The following IMPACT variants were observed in gnomAD, a reference collection of about 807,000 sequenced individuals.
IMPACT encodes protein IMPACT.
Under a neutral mutation model 47.5 loss-of-function variants are expected in IMPACT, and 35 were observed. The ratio of observed to expected loss-of-function variants is 0.74; its 90% CI spans 0.56 to 0.98. The LOEUF is 0.98. IMPACT is among the 50% of genes least tolerant of loss of function. IMPACT has a pLI of 0.00. For missense variants in IMPACT, 373 were observed against 394.8 expected (o/e 0.94, Z 0.47); for synonymous variants, 118 against 125.6 (o/e 0.94, Z 0.40).
intron 1 of IMPACT, 84 bp downstream of exon 1, chr18:24,426,876 C>G (rs1486457762): frequency 2.1e-6 from 2 of 943,824 alleles, no homozygotes; most frequent in Non-Finnish European, 2.8e-6. Context: ...GAGGGGCCCT[C>G]CGCCTGGGGC....
chr18:24,437,926 AT>A (rs200319123), intron 4 of IMPACT, 28 bp from the exon 5 acceptor site: 27,477 of 1,046,862 alleles, frequency 0.026, 406 homozygotes, highest in Non-Finnish European at 0.031. Context: ...TGAAATAACA[AT>A]TTTTTTTTTC....
At chr18:24,450,726 A>G (rs868468063) in intron 10 of IMPACT, 53 bp from the exon 11 acceptor site, 7 of 1,150,612 alleles carry the variant, frequency 6.1e-6, no homozygotes, top group African/African-American at 1.5e-5. Flanking sequence ...TAGATTGAAG[A>G]TTTCATCTTT....
chr18:24,432,033 G>T (rs974255811), intron 4 of IMPACT, among the ~76,000 whole-genome samples: 1 of 152,002 alleles, frequency 6.6e-6, no homozygotes, highest in Non-Finnish European at 1.5e-5. Context: ...TTATTTTTTT[G>T]TACTGATGGA....
chr18:24,442,117 T>C (rs577527824), intron 6 of IMPACT, among the ~76,000 whole-genome samples: 1 of 151,754 alleles, frequency 6.6e-6, no homozygotes, highest in African/African-American at 2.4e-5. Context: ...GACGATTAAG[T>C]CTCTCAACAG....
chr18:24,436,220 A>G (rs1050094541), intron 4 of IMPACT, among the ~76,000 whole-genome samples: 1 of 152,118 alleles, frequency 6.6e-6, no homozygotes, highest in African/African-American at 2.4e-5. Flanking sequence ...ACTAGCAGCT[A>G]TCATTTTTTT....
At chr18:24,448,218 A>G (rs1555667763) in intron 9 of IMPACT, 35 bp downstream of exon 9, 1 of 1,420,650 alleles carries the variant, frequency 7.0e-7, no homozygotes, top group Non-Finnish European at 9.9e-7. Context: ...CCTGTTCTGT[A>G]CAAGCCATAA....
Position 24,448,149 on chromosome 18 carries a change from C to T in IMPACT, c.725C>T (p.Thr242Ile), listed in dbSNP as rs1478195528. The T allele has an allele frequency of 1.9e-6, 3 of 1,613,480 alleles. No individual in the cohort carries two copies. The highest frequency in any genetic ancestry group is 1.7e-6 in the Non-Finnish European group (2 of 1,179,522). ...FLQDCEDDGE[T>I]AAGGRLLHLM... The stretch of plus-strand genomic sequence containing the variant: ...CAGGATTGTGAGGATGATGGGGAAA[C>T]AGCAGCTGGTGGGCGTCTTCTTCAT... Residue 242 changes from threonine (T) to isoleucine (I), a missense_variant, in exon 9 of 11, where the codon ACA becomes ATA. By Grantham distance (89) the Thr-to-Ile change is moderately conservative. Transcript: ENST00000284202.
chr18:24,440,294 A>C (rs1410940778), intron 5 of IMPACT, among the ~76,000 whole-genome samples: 1 of 152,066 alleles, frequency 6.6e-6, no homozygotes, highest in Non-Finnish European at 1.5e-5. Flanking sequence ...AGCATTTCCC[A>C]GTTTGTGGAT....
rs781465363 is a variant in IMPACT, at chr18:24,428,892, A to G, written c.189A>G (p.Pro63=). Residue 63 remains proline, a synonymous_variant, in exon 3 of 11, where the codon CCA becomes CCG. Transcript: ENST00000284202. ...AGGTGATGCTGCCGAATGAATACCC[A>G]GGTACAGCTCCACCTATCTACCAGT... ...CLQVMLPNEY[P]GTAPPIYQLN... 1.2e-6 allele frequency: 2 copies of G among 1,612,046 alleles called. No individual in the cohort carries two copies. The highest frequency in any genetic ancestry group is 1.7e-4 in the Middle Eastern group (1 of 6,048).
intron 4 of IMPACT, among the ~76,000 whole-genome samples, chr18:24,432,831 T>A (rs1011982703): frequency 1.3e-5 from 2 of 152,122 alleles, no homozygotes; most frequent in African/African-American, 2.4e-5. Context: ...TCCTCCTCCT[T>A]GAAAATCTTT....
At position 24,452,724 on chromosome 18, in the gene IMPACT, A is replaced by G. The variant is rs567773967; in HGVS notation, c.*1877A>G. 1 of 152,282 alleles carries G rather than the reference A, an allele frequency of 6.6e-6. No individual in the cohort carries two copies. The highest frequency in any genetic ancestry group is 2.1e-4 in the South Asian group (1 of 4,832). The allele number at this position is 152,282 out of a possible 1,614,324, so 9.4% of individuals were successfully genotyped here. On this transcript the variant is annotated 3_prime_UTR_variant, in exon 11 of 11. Coordinates refer to ENST00000284202, the MANE Select transcript of IMPACT (RefSeq NM_018439.4). ...TCTATTTAAAATTTTTGTCTTGATT[A>G]GGAGATTTTTCAGTTCTCCATATAA...
chr18:24,438,431 T>C (rs1228965567), intron 5 of IMPACT, among the ~76,000 whole-genome samples: 2 of 152,268 alleles, frequency 1.3e-5, no homozygotes, highest in African/African-American at 4.8e-5. Context: ...TCTAGGATTC[T>C]ACATTGCTTT....
chr18:24,442,901 AT>A (rs1236153559), intron 6 of IMPACT, 147 bp from the exon 7 acceptor site: 3 of 449,764 alleles, frequency 6.7e-6, no homozygotes, highest in Non-Finnish European at 3.9e-6. Context: ...TATAATTTAA[AT>A]TTAATTTTGG....
At chr18:24,443,024 A>C (rs1279663285) in intron 6 of IMPACT, 25 bp from the exon 7 acceptor site, 1 of 1,312,358 alleles carries the variant, frequency 7.6e-7, no homozygotes, top group Non-Finnish European at 1.1e-6. Context: ...CTTTTTAAAA[A>C]ATAAAGTTTC....
chr18:24,429,045 CTTTTGGG>C, intron 3 of IMPACT, 124 bp downstream of exon 3: 1 of 598,202 alleles, frequency 1.7e-6, no homozygotes, highest in Non-Finnish European at 2.8e-6. Context: ...TTAAAAATAC[CTTTTGGG>C]TTTGGTATAG....
intron 4 of IMPACT, among the ~76,000 whole-genome samples, chr18:24,432,687 C>T (rs187563978): frequency 5.3e-5 from 8 of 152,018 alleles, no homozygotes; most frequent in Admixed American, 5.2e-4. Flanking sequence ...TCATATTTGC[C>T]AATTTATCTG....
Position 24,450,993 on chromosome 18 carries a change from G to T in IMPACT, c.*146G>T. 1.9e-6 allele frequency: 1 copy of T among 512,834 alleles called. No homozygotes were observed. The highest frequency in any genetic ancestry group is 3.6e-5 in the South Asian group (1 of 27,914). 31.8% of individuals were successfully genotyped at this position (512,834 alleles called of 1,614,324 possible). The stretch of plus-strand genomic sequence containing the variant: ...ATACCAACATTAGCTTTTCTTCTTG[G>T]TTATATCATCTGCCAAAAATAGAGA... On this transcript the variant is annotated 3_prime_UTR_variant, in exon 11 of 11. Coordinates refer to ENST00000284202, the MANE Select transcript of IMPACT (RefSeq NM_018439.4).
Position 24,445,444 on chromosome 18 carries a change from A to T in IMPACT, c.646A>T (p.Thr216Ser). 6.2e-7 allele frequency: 1 copy of T among 1,605,836 alleles called. No individual in the cohort carries two copies. Among genetic ancestry groups the T allele is most frequent in the Non-Finnish European group, 8.5e-7 (1 of 1,175,824 alleles). ...TGAGAATAAGAAAATAGCTAGTGCCACCCACAACATCTATGCCTACAGGTG... is the reference window on the plus strand; with the variant it reads ...TGAGAATAAGAAAATAGCTAGTGCCTCCCACAACATCTATGCCTACAGGTG... ...LYENKKIASA[T>S]HNIYAYRIYC... Residue 216 changes from threonine to serine, a missense_variant, in exon 8 of 11, where the codon ACC becomes TCC. Transcript: ENST00000284202.
At chr18:24,439,134 A>G (rs1457215476) in intron 5 of IMPACT, among the ~76,000 whole-genome samples, 2 of 152,208 alleles carry the variant, frequency 1.3e-5, no homozygotes, top group Non-Finnish European at 2.9e-5. Context: ...GATGAGGCCC[A>G]TATGGAAGAC....
Sources: allele counts gnomAD v4.1 joint callset (sites outside exome capture counted in the v4.1 genomes callset), GRCh38; gene constraint gnomAD v4.1.1; transcripts MANE v1.5; gene names NCBI Gene and HGNC (gene_info 2026-07-23, HGNC 2026-07-21).